The following RFX7 variants were observed in gnomAD, a reference collection of about 807,000 sequenced individuals.
RFX7 encodes the protein regulatory factor X7.
Under a neutral mutation model 111.8 loss-of-function variants are expected in RFX7, and 26 were observed. That is an observed-to-expected ratio of 0.23 (90% CI 0.17 to 0.32). RFX7 has a LOEUF of 0.32. Ranked by LOEUF, RFX7 falls within the 10% of genes least tolerant of loss-of-function variation. The probability of loss-of-function intolerance (pLI) is 1.00; values close to 1 mark genes in which losing one functional copy is unlikely to be tolerated. For synonymous variants in RFX7, 624 were observed against 624.4 expected (o/e 1.00, Z 0.01); for missense variants, 1,573 against 1,772.9 (o/e 0.89, Z 2.02).
intron 2 of RFX7, among the ~76,000 whole-genome samples, chr15:56,186,745 C>A (rs2141152096): frequency 6.6e-6 from 1 of 151,980 alleles, no homozygotes; most frequent in Non-Finnish European, 1.5e-5. Context: ...TAGTTTTATA[C>A]CAGTGTTAAT....
chr15:56,115,400 TAC>T (rs2041997341), intron 5 of RFX7, among the ~76,000 whole-genome samples: 1 of 152,172 alleles, frequency 6.6e-6, no homozygotes, highest in South Asian at 2.1e-4. Flanking sequence ...CAGAAATCCA[TAC>T]AGACAGAAAG....
chr15:56,113,500 G>A (rs749440822), intron 5 of RFX7, among the ~76,000 whole-genome samples: 8 of 152,008 alleles, frequency 5.3e-5, no homozygotes, highest in South Asian at 2.1e-4. Flanking sequence ...GGCCTGTTGC[G>A]GGGGCGGTGA....
chr15:56,142,526 C>T (rs531882662), intron 5 of RFX7, among the ~76,000 whole-genome samples: 30 of 152,256 alleles, frequency 2.0e-4, no homozygotes, highest in Admixed American at 1.7e-3. Context: ...ACACCACTGT[C>T]CTTGCACTCT....
intron 2 of RFX7, among the ~76,000 whole-genome samples, chr15:56,208,694 A>T (rs865985832): frequency 6.6e-6 from 1 of 152,290 alleles, no homozygotes; most frequent in Admixed American, 6.5e-5. Context: ...TGGGCAATAT[A>T]AATAAATAGA....
At chr15:56,204,667 G>T (rs1337763442) in intron 2 of RFX7, among the ~76,000 whole-genome samples, 1 of 152,118 alleles carries the variant, frequency 6.6e-6, no homozygotes, top group Non-Finnish European at 1.5e-5. Context: ...ATGATCTATG[G>T]AGCTATACTA....
chr15:56,123,250 C>T lies in RFX7; in HGVS notation c.401+19528G>A, dbSNP rs150006566. ...GGTTACCACTGCTAATGGTATTATTCAGGGCCCAAAGGCTCTTTAGTCAGC... is the reference window on the plus strand; with the variant it reads ...GGTTACCACTGCTAATGGTATTATTTAGGGCCCAAAGGCTCTTTAGTCAGC... On this transcript the variant is annotated intron_variant, in intron 5 of 9. Transcript: ENST00000559447. Among the ~76,000 whole-genome samples, 15 of 152,230 alleles carry T rather than the reference C, an allele frequency of 9.9e-5. No individual in the cohort carries two copies. In the East Asian group the frequency reaches 2.9e-3, roughly 30 times the overall value.
At chr15:56,131,729 T>C (rs1473209679) in intron 5 of RFX7, among the ~76,000 whole-genome samples, 1 of 152,164 alleles carries the variant, frequency 6.6e-6, no homozygotes, top group African/African-American at 2.4e-5. Context: ...TTAACATCAG[T>C]GAACTTACTG....
At chr15:56,181,424 G>A (rs917344093) in intron 2 of RFX7, among the ~76,000 whole-genome samples, 1 of 152,138 alleles carries the variant, frequency 6.6e-6, no homozygotes, top group African/African-American at 2.4e-5. Flanking sequence ...CTTATCACCA[G>A]TGATGTTATA....
intron 5 of RFX7, among the ~76,000 whole-genome samples, chr15:56,140,797 C>T (rs1306714580): frequency 1.3e-5 from 2 of 152,098 alleles, no homozygotes; most frequent in Non-Finnish European, 2.9e-5. Flanking sequence ...TTATGGGAAT[C>T]TTTGAAAAAG....
rs181656051 is a variant in RFX7 at position 56,178,961 on chromosome 15, T to A, written c.195+309A>T. 1,436 of 157,328 alleles carry A rather than the reference T, an allele frequency of 9.1e-3. 9 individuals are homozygous for A. Among genetic ancestry groups the A allele is most frequent in the Middle Eastern group, 0.016 (5 of 312 alleles). 9.7% of individuals were successfully genotyped at this position (157,328 alleles called of 1,614,324 possible). ...CAAAAACTTTTCTCTAAACAAATTC[T>A]CAGAGTTATTAGAATAGAAAAATAA... On this transcript the variant is annotated intron_variant, in intron 3 of 9. Coordinates refer to ENST00000559447, the MANE Select transcript of RFX7 (RefSeq NM_022841.7).
intron 5 of RFX7, among the ~76,000 whole-genome samples, chr15:56,105,078 A>T (rs2041812441): frequency 6.6e-6 from 1 of 152,142 alleles, no homozygotes; most frequent in Non-Finnish European, 1.5e-5. Flanking sequence ...TATGGTTCAA[A>T]CCGGCACAAA....
chr15:56,188,958 C>T (rs1001710510), intron 2 of RFX7, among the ~76,000 whole-genome samples: 1 of 152,130 alleles, frequency 6.6e-6, no homozygotes, highest in African/African-American at 2.4e-5. Context: ...TCAGCCTCCC[C>T]AGTAGCTACG....
At chr15:56,220,594 G>A (rs1256155240) in intron 2 of RFX7, among the ~76,000 whole-genome samples, 5 of 152,206 alleles carry the variant, frequency 3.3e-5, no homozygotes, top group African/African-American at 1.2e-4. Context: ...ACCTTTGTCA[G>A]ATGCATAGTT....
chr15:56,138,194 T>G lies in RFX7; in HGVS notation c.401+4584A>C, dbSNP rs1418449994. ...TTGTTGACTTTCTGTCTCATTGATC[T>G]GTCTAATGTTGACAGTGGGGTGTTA... On this transcript the variant is annotated intron_variant, in intron 5 of 9. Coordinates refer to ENST00000559447, the MANE Select transcript of RFX7 (RefSeq NM_022841.7). Among the ~76,000 whole-genome samples, 198 of 128,346 alleles carry G rather than the reference T, an allele frequency of 1.5e-3. 2 individuals carry two copies. Among genetic ancestry groups the G allele is most frequent in the African/African-American group, 5.7e-3 (194 of 33,928 alleles). 84.2% of individuals were successfully genotyped at this position (128,346 alleles called of 152,430 possible).
chr15:56,194,492 T>A (rs933992172), intron 2 of RFX7, among the ~76,000 whole-genome samples: 1 of 152,170 alleles, frequency 6.6e-6, no homozygotes, highest in African/African-American at 2.4e-5. Flanking sequence ...TGACTTCAGA[T>A]CCCTTTTGTA....
Position 56,095,589 on chromosome 15 carries a change from C to A in RFX7, c.2139G>T (p.Gln713His). Reference protein sequence around the residue: ...GKTEGSTAGAQIPSKVSVNVS... With the variant: ...GKTEGSTAGAHIPSKVSVNVS... ...CATTTACTGATACCTTGCTAGGAAT[C>A]TGAGCACCTGCTGTTGAACCTTCTG... The change falls in exon 10 of 10, where the codon CAG (glutamine) becomes CAT (histidine). Residue 713 changes from glutamine to histidine, a missense_variant. Physicochemically the swap from Gln to His is conservative, Grantham distance 24. This residue lies in a region of RFX7 where 625 missense variants were observed against 632.2 expected (regional missense o/e 0.99). Transcript: ENST00000559447. The A allele has an allele frequency of 1.9e-6, 3 of 1,613,970 alleles. No individual in the cohort carries two copies. Among genetic ancestry groups the A allele is most frequent in the Non-Finnish European group, 2.5e-6 (3 of 1,179,844 alleles).
intron 3 of RFX7, among the ~76,000 whole-genome samples, chr15:56,166,206 A>C (rs2042780452): frequency 6.6e-6 from 1 of 152,058 alleles, no homozygotes; most frequent in Admixed American, 6.6e-5. Flanking sequence ...TAGGTTGTCT[A>C]CTCTTCTAAA....
chr15:56,224,082 C>T (rs1206445219), intron 2 of RFX7, among the ~76,000 whole-genome samples: 1 of 151,178 alleles, frequency 6.6e-6, no homozygotes, highest in African/African-American at 2.4e-5. Flanking sequence ...ATGTGTGATG[C>T]AGCTGGACCT....
At position 56,161,088 on chromosome 15, in the gene RFX7, TAAG is replaced by T. The variant is rs1235752494; in HGVS notation, c.196-16608_196-16606del. Among the ~76,000 whole-genome samples, 6 of 152,216 alleles carry T rather than the reference TAAG, an allele frequency of 3.9e-5. No homozygotes were observed. In the East Asian group the frequency reaches 1.2e-3, roughly 29 times the overall value. ...CTGTTCAAAATATTCTGCTCAAAGA[TAAG>T]GAGTATGATCTGAGTCAATTTGAAA... On this transcript the variant is annotated intron_variant, in intron 3 of 9. Transcript: ENST00000559447.
Sources: gnomAD v4.1 joint callset for allele counts (sites outside exome capture counted in the v4.1 genomes callset) on GRCh38, gnomAD v4.1.1 for gene constraint, gnomAD v4.1.1 regional missense constraint, MANE v1.5 for transcripts, NCBI Gene and HGNC (gene_info 2026-07-23, HGNC 2026-07-21) for gene names.